The following PLXNA4 variants were observed in gnomAD, a reference collection of about 807,000 sequenced individuals.
PLXNA4 encodes the protein plexin-A4.
In PLXNA4, 44 loss-of-function variants were observed where a neutral mutation model predicts 191.8. The observed-to-expected ratio is 0.23, with a 90% CI of 0.18 to 0.29. The LOEUF is 0.29. Among genes scored for constraint, PLXNA4 ranks in the 10% least tolerant of loss-of-function variants. The pLI, the probability that PLXNA4 is intolerant of heterozygous loss-of-function variation, is 1.00. For missense variants in PLXNA4, 1,800 were observed against 2,488.8 expected (o/e 0.72, Z 5.89); for synonymous variants, 1,082 against 1,009.5 (o/e 1.07, Z -1.36).
upstream of PLXNA4, chr7:132,576,513 G>T (rs1382469611): frequency 3.0e-6 from 3 of 985,786 alleles, no homozygotes; most frequent in Non-Finnish European, 2.4e-6. The surrounding 1 kb of genome is among the most constrained non-coding windows in gnomAD (Gnocchi z 5.8). Context: ...TCCTCTGAAC[G>T]TGTGCGTGTG....
At chr7:132,245,132 G>A (rs759808318) in intron 4 of PLXNA4, among the ~76,000 whole-genome samples, 2 of 152,124 alleles carry the variant, frequency 1.3e-5, no homozygotes, top group Non-Finnish European at 2.9e-5. Context: ...TTAAGCTGCA[G>A]TGCCAGGCAT....
At chr7:132,241,226 C>A in intron 4 of PLXNA4, 60 bp from the exon 5 acceptor site, 2 of 1,165,324 alleles carry the variant, frequency 1.7e-6, no homozygotes, top group Admixed American at 2.0e-5. Context: ...AGCAGTGTAC[C>A]AGAAGAGATG....
intron 10 of PLXNA4, among the ~76,000 whole-genome samples, chr7:132,203,777 C>T (rs770604557): frequency 6.6e-6 from 1 of 152,180 alleles, no homozygotes; most frequent in African/African-American, 2.4e-5. Context: ...GAGGTAAAAC[C>T]GAGGGAGGAG....
chr7:132,563,147 C>T (rs1801399266), intron 1 of PLXNA4, among the ~76,000 whole-genome samples: 2 of 89,336 alleles, frequency 2.2e-5, no homozygotes, highest in Admixed American at 1.1e-4. Flanking sequence ...TTCTCCTCTT[C>T]CTCCTTCTCC....
At chr7:132,627,325 A>G (rs1482079118) in intron 2 of PLXNA4, among the ~76,000 whole-genome samples, 1 of 151,940 alleles carries the variant, frequency 6.6e-6, no homozygotes, top group East Asian at 1.9e-4. Flanking sequence ...ACACACACAC[A>G]CTTTTCCTGT....
chr7:132,421,255 G>A (rs1310245689), intron 3 of PLXNA4, among the ~76,000 whole-genome samples: 2 of 152,180 alleles, frequency 1.3e-5, no homozygotes, highest in Non-Finnish European at 2.9e-5. Flanking sequence ...CATCTACATT[G>A]TAGCATGTGT....
intron 1 of PLXNA4, among the ~76,000 whole-genome samples, chr7:132,517,197 T>A (rs1438286116): frequency 6.6e-6 from 1 of 152,198 alleles, no homozygotes; most frequent in African/African-American, 2.4e-5. Flanking sequence ...GTGAGGCTGC[T>A]GGTATGAAGT....
intron 4 of PLXNA4, among the ~76,000 whole-genome samples, chr7:132,264,684 CT>C (rs56218905): frequency 0.21 from 26,883 of 130,368 alleles, 2,260 homozygotes; most frequent in African/African-American, 0.32. Context: ...GTCCTCCCCG[CT>C]TTTTTTTTTT....
chr7:132,383,764 C>A (rs902801142), intron 3 of PLXNA4: 4 of 984,770 alleles, frequency 4.1e-6, no homozygotes, highest in Admixed American at 6.1e-5. Context: ...AGAATTGATT[C>A]TTTAAAAAAT....
intron 4 of PLXNA4, among the ~76,000 whole-genome samples, chr7:132,287,153 G>A (rs1342876107): frequency 6.6e-6 from 1 of 152,170 alleles, no homozygotes; most frequent in Non-Finnish European, 1.5e-5. Flanking sequence ...TCATGCCTCA[G>A]CCTTCCAGGT....
At chr7:132,439,857 G>C (rs142842827) in intron 3 of PLXNA4, among the ~76,000 whole-genome samples, 2 of 152,314 alleles carry the variant, frequency 1.3e-5, no homozygotes, top group East Asian at 3.9e-4. Context: ...AGAAGCACCT[G>C]GTTCCTGACC....
chr7:132,637,372 A>G (rs1196413765), intron 2 of PLXNA4, among the ~76,000 whole-genome samples: 1 of 152,228 alleles, frequency 6.6e-6, no homozygotes, highest in African/African-American at 2.4e-5. Context: ...AGGACTTGAC[A>G]AAGAGACCAG....
intron 13 of PLXNA4, 41 bp from the exon 14 acceptor site, chr7:132,194,220 T>C: frequency 6.3e-7 from 1 of 1,588,488 alleles, no homozygotes; most frequent in Non-Finnish European, 8.6e-7. Flanking sequence ...TCACAGGACT[T>C]CCAGCCAAGA....
In PLXNA4 at chr7:132,631,319, G is replaced by T. The variant is rs1376777224; in HGVS notation, c.-87+14609C>A. On this transcript the variant is annotated intron_variant, in intron 2 of 4. Transcript: ENST00000378539. ...CCATGAGACACATACAGTTTAAGAG[G>T]CACAGCCCTTATTCTTAAGGTGCCT... Among the ~76,000 whole-genome samples the T allele has an allele frequency of 2.0e-5, 3 of 152,126 alleles. 1 individual carries two copies. The highest frequency in any genetic ancestry group is 1.3e-4 in the Admixed American group (2 of 15,274).
chr7:132,189,504 T>G (rs1248269194), intron 14 of PLXNA4, among the ~76,000 whole-genome samples: 1 of 152,080 alleles, frequency 6.6e-6, no homozygotes, highest in African/African-American at 2.4e-5. Context: ...TGGTTTTTGA[T>G]GAATAAACCC....
intron 2 of PLXNA4, among the ~76,000 whole-genome samples, chr7:132,597,253 C>T (rs1802728312): frequency 6.6e-6 from 1 of 152,108 alleles, no homozygotes; most frequent in Non-Finnish European, 1.5e-5. Context: ...TATTTCTGTT[C>T]ATGCCGGTCT....
intron 3 of PLXNA4, among the ~76,000 whole-genome samples, chr7:132,412,968 TGACTA>T (rs1404987881): frequency 1.3e-5 from 2 of 151,960 alleles, no homozygotes. Flanking sequence ...GAGGGATTAG[TGACTA>T]GGAAACAAAG....
rs1208875135 is a variant in PLXNA4, at chr7:132,599,153, A to G, written c.-87+46775T>C. Among the ~76,000 whole-genome samples, 3 of 152,012 alleles carry G rather than the reference A, an allele frequency of 2.0e-5. 1 individual carries two copies. In the Middle Eastern group the frequency reaches 9.5e-3, roughly 481 times the overall value. Reference sequence around the variant, plus strand: ...CAGTTTTTGCTACCACGTGTTTCTAATATGTCTTAAAGTCTGGAAGGGTAG... The same window carrying G: ...CAGTTTTTGCTACCACGTGTTTCTAGTATGTCTTAAAGTCTGGAAGGGTAG... On this transcript the variant is annotated intron_variant, in intron 2 of 4. Transcript: ENST00000378539.
intron 1 of PLXNA4, among the ~76,000 whole-genome samples, chr7:132,540,909 T>A (rs573812842): frequency 6.6e-6 from 1 of 151,964 alleles, no homozygotes; most frequent in South Asian, 2.1e-4. Flanking sequence ...AAAAACTTTG[T>A]GCTATTTATT....
Sources: gnomAD v4.1 joint callset for allele counts (sites outside exome capture counted in the v4.1 genomes callset) on GRCh38, gnomAD v4.1.1 for gene constraint, Gnocchi (gnomAD v3.1) non-coding constraint, MANE v1.5 for transcripts, NCBI Gene and HGNC (gene_info 2026-07-23, HGNC 2026-07-21) for gene names.